Variants in KRT13 observed in about 807,000 individuals in gnomAD.
KRT13 encodes keratin 13.
In KRT13, 27 loss-of-function variants were observed where a neutral mutation model predicts 40.6. That is an observed-to-expected ratio of 0.67 (90% CI 0.49 to 0.92). KRT13 has a LOEUF of 0.92. KRT13 is among the 40% of genes least tolerant of loss of function. The probability of loss-of-function intolerance (pLI) is 0.00; values close to 1 mark genes in which losing one functional copy is unlikely to be tolerated. For synonymous variants in KRT13, 266 were observed against 240.3 expected (o/e 1.11, Z -0.99); for missense variants, 605 against 611.5 (o/e 0.99, Z 0.11).
In KRT13 at chr17:41,503,385, G is replaced by T. The variant is rs78223890; in HGVS notation, c.637C>A (p.Arg213=). The change falls in exon 3 of 8, where the codon CGG becomes AGG. Residue 213 remains arginine, a synonymous_variant. Coordinates refer to ENST00000246635, the MANE Select transcript of KRT13 (RefSeq NM_153490.3). The stretch of plus-strand genomic sequence containing the variant: ...GACAGAGTGAGCTCATCCAGCACCC[G>T]GCGCAGGCCGTTGATGTCGGCCTCC... ...SVEADINGLR[R]VLDELTLSKT... is the part of the protein sequence containing the mutation. The T allele has an allele frequency of 3.7e-6, 6 of 1,614,236 alleles. No individual in the cohort carries two copies. In the South Asian group the frequency reaches 6.6e-5, roughly 18 times the overall value.
intron 1 of KRT13, chr17:41,504,119 T>C (rs1904978112): frequency 6.9e-6 from 2 of 289,822 alleles, no homozygotes; most frequent in Non-Finnish European, 1.3e-5. Flanking sequence ...CCTCCATTGC[T>C]CTTCTGTAAA....
At chr17:41,503,178 G>A (rs1003159073) in intron 3 of KRT13, 80 bp from the exon 4 acceptor site, 7 of 1,605,500 alleles carry the variant, frequency 4.4e-6, no homozygotes, top group East Asian at 2.2e-5. Context: ...GAGTGTTCTG[G>A]AGAGTGTTTC....
At chr17:41,503,810 C>G in intron 1 of KRT13, 85 bp from the exon 2 acceptor site, 1 of 1,010,486 alleles carries the variant, frequency 9.9e-7, no homozygotes, top group Non-Finnish European at 1.6e-6. Flanking sequence ...GAAGAATTGT[C>G]TTGGGCAACA....
At position 41,502,396 on chromosome 17, in the gene KRT13, G is replaced by A; in HGVS notation, c.1222C>T (p.Leu408=). Residue 408 remains leucine, a synonymous_variant, in exon 6 of 8, where the codon CTG becomes TTG. Transcript: ENST00000246635. The part of the protein sequence containing the change: ...LEQEIATYRS[L]LEGQDAKMIG... ...TACTTGGCGTCCTGGCCCTCGAGCA[G>A]GCTGCGGTAGGTGGCGATCTCCTGC... is the stretch of plus-strand genomic sequence containing the variant. 1.2e-6 allele frequency: 2 copies of A among 1,614,254 alleles called. No homozygotes were observed. The highest frequency in any genetic ancestry group is 1.7e-6 in the Non-Finnish European group (2 of 1,180,040).
rs187577438 is a variant in KRT13, at chr17:41,504,965, G to A, written c.495+91C>T. The A allele has an allele frequency of 9.9e-5, 147 of 1,478,942 alleles. 1 individual carries two copies. The African/African-American group carries it at 1.1e-3, about 11-fold the overall frequency. The allele number at this position is 1,478,942 out of a possible 1,614,324, so 91.6% of individuals were successfully genotyped here. On this transcript the variant is annotated intron_variant, in intron 1 of 7. Transcript: ENST00000246635. ...CCCCTGCAAGAAGTTTGTGAATTCC[G>A]TCCACACCTAGTCCCCCACAACACT...
chr17:41,501,820 G>C, intron 6 of KRT13, 76 bp from the exon 7 acceptor site: 3 of 1,555,880 alleles, frequency 1.9e-6, no homozygotes, highest in Non-Finnish European at 2.6e-6. Flanking sequence ...CTGGGGAAGT[G>C]CCTCGGCTTA....
chr17:41,505,123 T>C lies in KRT13; in HGVS notation c.428A>G (p.Gln143Arg). ...EVKIRDWHLK[Q>R]SPASPERDYS... ...GTCCCGCTCAGGGCTAGCTGGGCTC[T>C]GCTTCAGGTGCCAGTCACGGATCTT... Residue 143 changes from glutamine to arginine, a missense_variant, in exon 1 of 8, where the codon CAG (glutamine) becomes CGG (arginine). Physicochemically the swap from Gln to Arg is conservative, Grantham distance 43. Coordinates refer to ENST00000246635, the MANE Select transcript of KRT13 (RefSeq NM_153490.3). The C allele has an allele frequency of 6.2e-7, 1 of 1,614,226 alleles. No individual in the cohort carries two copies. Among genetic ancestry groups the C allele is most frequent in the South Asian group, 1.1e-5 (1 of 91,090 alleles).
At chr17:41,501,617 C>G in intron 7 of KRT13, 102 bp downstream of exon 7, 1 of 1,540,536 alleles carries the variant, frequency 6.5e-7, no homozygotes, top group African/African-American at 1.4e-5. Flanking sequence ...ACTGGAGAGC[C>G]CAGCACTGGC....
chr17:41,501,502 C>A, intron 7 of KRT13, 140 bp from the exon 8 acceptor site: 1 of 1,099,630 alleles, frequency 9.1e-7, no homozygotes, highest in Non-Finnish European at 1.3e-6. Context: ...CCAAAGATGG[C>A]TCTTCCCAAG....
At chr17:41,502,331 T>C in intron 6 of KRT13, 43 bp downstream of exon 6, 4 of 1,613,220 alleles carry the variant, frequency 2.5e-6, no homozygotes, top group South Asian at 1.1e-5. Context: ...CACCCACGGG[T>C]CCTGCAGTCA....
At chr17:41,501,569 C>T (rs932372271) in intron 7 of KRT13, 150 bp downstream of exon 7, 7 of 1,370,528 alleles carry the variant, frequency 5.1e-6, no homozygotes, top group Admixed American at 2.0e-5. Context: ...AATCAGTGAG[C>T]GAATGACCAC....
At chr17:41,503,925 G>A in intron 1 of KRT13, 200 bp from the exon 2 acceptor site, 1 of 595,148 alleles carries the variant, frequency 1.7e-6, no homozygotes, top group South Asian at 1.9e-5. Context: ...ACAAATTTGT[G>A]TTAGGCCTCA....
At chr17:41,501,913 G>A (rs943669811) in intron 6 of KRT13, 169 bp from the exon 7 acceptor site, 1 of 1,499,568 alleles carries the variant, frequency 6.7e-7, no homozygotes, top group Non-Finnish European at 8.9e-7. Flanking sequence ...GTGCCCACTG[G>A]GACTGTCTGT....
intron 6 of KRT13, 41 bp from the exon 7 acceptor site, chr17:41,501,785 T>C: frequency 6.3e-7 from 1 of 1,582,120 alleles, no homozygotes; most frequent in South Asian, 1.2e-5. Flanking sequence ...AGAGGGTAAC[T>C]GAGGGCAGGT....
chr17:41,503,915 AC>A, intron 1 of KRT13, 190 bp from the exon 2 acceptor site: 1 of 621,400 alleles, frequency 1.6e-6, no homozygotes, highest in African/African-American at 1.8e-5. Flanking sequence ...AAGAAAGCTT[AC>A]AAATTTGTGT....
At chr17:41,502,334 T>G (rs1232816131) in intron 6 of KRT13, 40 bp downstream of exon 6, 6 of 1,613,300 alleles carry the variant, frequency 3.7e-6, no homozygotes, top group Non-Finnish European at 5.1e-6. Context: ...CCACGGGTCC[T>G]GCAGTCACTA....
chr17:41,503,459 A>C lies in KRT13; in HGVS notation c.579-16T>G. The C allele has an allele frequency of 6.2e-7, 1 of 1,613,922 alleles. No individual in the cohort carries two copies. ...ATTCTCATACCTAAAATAGTAAAAA[A>C]ATGAAATGTTTTTTGAAAAAGCAAG... On this transcript the variant is annotated splice_polypyrimidine_tract_variant and intron_variant, in intron 2 of 7. Transcript: ENST00000246635.
At position 41,503,695 on chromosome 17, in the gene KRT13, C is replaced by G; in HGVS notation, c.526G>C (p.Val176Leu). The change falls in exon 2 of 8, where the codon GTC becomes CTC. Residue 176 changes from valine to leucine, a missense_variant. Physicochemically the swap from Val to Leu is conservative, Grantham distance 32. Transcript: ENST00000246635. ...CTGGCATTGTCAATCTCCAGGATGA[C>G]CCGGTTGTTTTCAATGGTGGCGGTC... ...ILTATIENNR[V>L]ILEIDNARLA... is the part of the protein sequence containing the mutation. The G allele has an allele frequency of 6.2e-7, 1 of 1,613,926 alleles. No individual in the cohort carries two copies. Among genetic ancestry groups the G allele is most frequent in the South Asian group, 1.1e-5 (1 of 91,072 alleles).
chr17:41,504,862 G>A (rs575902934), intron 1 of KRT13, among the ~76,000 whole-genome samples, 194 bp downstream of exon 1: 2 of 152,198 alleles, frequency 1.3e-5, no homozygotes, highest in Non-Finnish European at 2.9e-5. Flanking sequence ...AATAATGAGA[G>A]AAAATGCATT....
Sources: allele counts gnomAD v4.1 joint callset (sites outside exome capture counted in the v4.1 genomes callset), GRCh38; gene constraint gnomAD v4.1.1; transcripts MANE v1.5; gene names NCBI Gene and HGNC (gene_info 2026-07-23, HGNC 2026-07-21).